The following DOCK3 variants were observed in gnomAD, a reference collection of about 807,000 sequenced individuals.
DOCK3 encodes dedicator of cytokinesis protein 3.
DOCK3 carries 60 observed loss-of-function variants against 265.6 expected under a neutral mutation model. The observed-to-expected ratio is 0.23, with a 90% confidence interval of 0.18 to 0.28. The LOEUF (loss-of-function observed/expected upper bound fraction) is 0.28. DOCK3 is among the 10% of genes least tolerant of loss of function. The pLI is 1.00. For synonymous variants in DOCK3, 881 were observed against 938.0 expected (o/e 0.94, Z 1.11); for missense variants, 1,981 against 2,594.3 (o/e 0.76, Z 5.14).
chr3:50,804,632 G>T (rs558661507), intron 2 of DOCK3, among the ~76,000 whole-genome samples: 2 of 152,164 alleles, frequency 1.3e-5, no homozygotes, highest in East Asian at 1.9e-4. Flanking sequence ...CCAGGCACTC[G>T]GCAGGCTGAA....
chr3:51,337,700 A>G (rs2084962753), intron 35 of DOCK3, among the ~76,000 whole-genome samples: 1 of 152,002 alleles, frequency 6.6e-6, no homozygotes, highest in African/African-American at 2.4e-5. Context: ...CCCTCTCCCT[A>G]TCTTGGAAAA....
intron 12 of DOCK3, among the ~76,000 whole-genome samples, chr3:51,181,593 C>T (rs919697382): frequency 2.0e-5 from 3 of 152,002 alleles, no homozygotes; most frequent in African/African-American, 7.3e-5. Context: ...TTCAGAAAGG[C>T]ATAATAGCCT....
chr3:50,919,089 C>T (rs1394767071), intron 4 of DOCK3, among the ~76,000 whole-genome samples: 3 of 152,114 alleles, frequency 2.0e-5, no homozygotes, highest in African/African-American at 7.2e-5. Flanking sequence ...GGTATTATTT[C>T]TGAGGGCTCT....
intron 9 of DOCK3, among the ~76,000 whole-genome samples, chr3:51,097,870 T>A (rs1225512351): frequency 6.6e-6 from 1 of 152,116 alleles, no homozygotes; most frequent in East Asian, 1.9e-4. Context: ...GGGAGGGAGT[T>A]CCCTGACTCC....
intron 3 of DOCK3, among the ~76,000 whole-genome samples, chr3:50,875,903 C>T (rs1264209879): frequency 2.0e-5 from 3 of 150,470 alleles, no homozygotes; most frequent in South Asian, 2.1e-4. Flanking sequence ...TTCGCCTGTT[C>T]GCTGTTGAGA....
At chr3:51,118,530 G>A (rs2083857917) in intron 9 of DOCK3, among the ~76,000 whole-genome samples, 1 of 152,092 alleles carries the variant, frequency 6.6e-6, no homozygotes, top group Admixed American at 6.6e-5. Flanking sequence ...TTTCTGTCTC[G>A]TTGATCTGTC....
intron 5 of DOCK3, among the ~76,000 whole-genome samples, chr3:50,937,392 C>G (rs910027644): frequency 1.3e-4 from 19 of 150,720 alleles, no homozygotes; most frequent in African/African-American, 4.6e-4. Flanking sequence ...CGGTGGCTCA[C>G]GCCTGTAATC....
chr3:51,158,493 G>A (rs577428249), intron 10 of DOCK3, among the ~76,000 whole-genome samples: 8 of 152,232 alleles, frequency 5.3e-5, no homozygotes, highest in East Asian at 1.9e-4. Context: ...GCAGTGAGCC[G>A]TGATCGCACC....
chr3:50,691,519 T>G (rs1203031946), intron 1 of DOCK3, among the ~76,000 whole-genome samples: 1 of 152,228 alleles, frequency 6.6e-6, no homozygotes. Context: ...AATGCTGCAG[T>G]GAACACTGGC....
intron 14 of DOCK3, among the ~76,000 whole-genome samples, chr3:51,222,998 G>C (rs1239175773): frequency 1.3e-5 from 2 of 152,114 alleles, no homozygotes; most frequent in Non-Finnish European, 2.9e-5. Context: ...AAGTACACTG[G>C]CATGATCATA....
At chr3:50,980,219 T>C (rs183742184) in intron 5 of DOCK3, among the ~76,000 whole-genome samples, 12 of 152,370 alleles carry the variant, frequency 7.9e-5, no homozygotes. Context: ...GATGATAATA[T>C]GGCTTTTGTC....
At chr3:50,682,506 T>C (rs1559508072) in intron 1 of DOCK3, among the ~76,000 whole-genome samples, 1 of 152,244 alleles carries the variant, frequency 6.6e-6, no homozygotes, top group African/African-American at 2.4e-5. Context: ...TACCCCTCTC[T>C]TTCTCCAACC....
chr3:50,737,473 C>T (rs966890646), intron 1 of DOCK3, among the ~76,000 whole-genome samples: 11 of 152,170 alleles, frequency 7.2e-5, no homozygotes, highest in African/African-American at 2.2e-4. Flanking sequence ...CCAGGCCCCA[C>T]CTCCAACATT....
At chr3:50,867,321 TG>T (rs1444415497) in intron 3 of DOCK3, among the ~76,000 whole-genome samples, 3 of 152,326 alleles carry the variant, frequency 2.0e-5, no homozygotes, top group East Asian at 1.9e-4. Context: ...AAGGTTTTTT[TG>T]TGTGGAGTCT....
chr3:50,912,203 AC>A (rs2049892208), intron 4 of DOCK3, among the ~76,000 whole-genome samples: 1 of 152,160 alleles, frequency 6.6e-6, no homozygotes. Context: ...ATCATGAGGT[AC>A]CACCTTGATA....
At chr3:50,804,135 G>C (rs1467373200) in intron 2 of DOCK3, among the ~76,000 whole-genome samples, 1 of 151,048 alleles carries the variant, frequency 6.6e-6, no homozygotes, top group Non-Finnish European at 1.5e-5. Context: ...CCACATCTCA[G>C]ATGATGGGGG....
chr3:50,676,409 A>G (rs1211298976), intron 1 of DOCK3, among the ~76,000 whole-genome samples: 1 of 152,362 alleles, frequency 6.6e-6, no homozygotes, highest in East Asian at 1.9e-4. Context: ...ACTTTCTGAA[A>G]CAATTAGGTA....
chr3:51,276,828 C>G (rs2080844292), intron 25 of DOCK3, among the ~76,000 whole-genome samples: 1 of 152,090 alleles, frequency 6.6e-6, no homozygotes, highest in South Asian at 2.1e-4. Context: ...CGAGGGGCAA[C>G]AGGAATCTCT....
At chr3:50,898,278 A>T (rs1226354758) in intron 4 of DOCK3, among the ~76,000 whole-genome samples, 1 of 152,200 alleles carries the variant, frequency 6.6e-6, no homozygotes, top group Non-Finnish European at 1.5e-5. Context: ...AGGTGTTCAT[A>T]GTATTCTCTG....
Sources: allele counts gnomAD v4.1 joint callset (sites outside exome capture counted in the v4.1 genomes callset), GRCh38; gene constraint gnomAD v4.1.1; transcripts MANE v1.5; gene names NCBI Gene and HGNC (gene_info 2026-07-23, HGNC 2026-07-21).